MAG: variants seen among roughly 807,000 people sequenced by gnomAD.
MAG encodes the protein myelin associated glycoprotein, also known as myelin-associated glycoprotein.
Under a neutral mutation model 60.7 loss-of-function variants are expected in MAG, and 30 were observed. The observed-to-expected ratio is 0.49, with a 90% CI of 0.37 to 0.67. The LOEUF is 0.67. Among genes scored for constraint, MAG ranks in the 30% least tolerant of loss-of-function variants. The probability of loss-of-function intolerance (pLI) is 0.00; values close to 1 mark genes in which losing one functional copy is unlikely to be tolerated. For synonymous variants in MAG, 384 were observed against 376.8 expected (o/e 1.02, Z -0.22); for missense variants, 795 against 851.7 (o/e 0.93, Z 0.83).
chr19:35,300,193 G>A lies in MAG; in HGVS notation c.759G>A (p.Glu253=). 1.3e-6 allele frequency: 2 copies of A among 1,567,984 alleles called. No individual in the cohort carries two copies. Among genetic ancestry groups the A allele is most frequent in the Non-Finnish European group, 1.7e-6 (2 of 1,152,572 alleles). ...VEMNSSVEAI[E]GSHVSLLCGA... ...TGAACTCCTCGGTGGAGGCCATCGA[G>A]GGCTCCCACGTGAGCCTGCTCTGTG... The change falls in exon 6 of 11, where the codon GAG becomes GAA. Residue 253 remains glutamate, a synonymous_variant. Transcript: ENST00000392213.
Position 35,299,567 on chromosome 19 carries a change from C to T in MAG, c.429C>T (p.Ile143=). 1 of 1,591,794 alleles carries T rather than the reference C, an allele frequency of 6.3e-7. No individual in the cohort carries two copies. Among genetic ancestry groups the T allele is most frequent in the Non-Finnish European group, 8.6e-7 (1 of 1,163,906 alleles). ...CGCCTCGTATAGACACCCCCAACATCGTGGTGCCCCCAGAGGTGGTGGCAG... is the reference window on the plus strand; with the variant it reads ...CGCCTCGTATAGACACCCCCAACATTGTGGTGCCCCCAGAGGTGGTGGCAG... The part of the protein sequence containing the change: ...SVLDIVNTPN[I]VVPPEVVAGT... Residue 143 remains isoleucine (I), a synonymous_variant, in exon 5 of 11, where the codon ATC becomes ATT. Transcript: ENST00000392213.
At chr19:35,301,403 A>G (rs2066447143) in intron 6 of MAG, among the ~76,000 whole-genome samples, 1 of 151,090 alleles carries the variant, frequency 6.6e-6, no homozygotes, top group Non-Finnish European at 1.5e-5. Flanking sequence ...AGCCGCAGCC[A>G]ACATTTACTC....
intron 2 of MAG, among the ~76,000 whole-genome samples, chr19:35,294,939 C>T (rs151302218): frequency 1.5e-4 from 23 of 152,136 alleles, no homozygotes; most frequent in African/African-American, 5.3e-4. Flanking sequence ...GCTGAGACCC[C>T]ATCTCAAAAA....
In MAG at chr19:35,312,290, G is replaced by A. The variant is rs748608374; in HGVS notation, c.1716+273G>A. On this transcript the variant is annotated intron_variant, in intron 10 of 10. Transcript: ENST00000392213. ...TTTCCTTCTCCAATAGTCCAAAGAG[G>A]TTTCTACCCTGGAATCTCACTGAGT... 5 of 1,613,522 alleles carry A rather than the reference G, an allele frequency of 3.1e-6. No homozygotes were observed. The South Asian group carries it at 5.5e-5, about 18-fold the overall frequency.
rs2301600 is a variant in MAG at position 35,295,965 on chromosome 19, C to T, written c.399C>T (p.Ser133=). The T allele has an allele frequency of 0.24, 379,797 of 1,590,544 alleles. 48,238 individuals carry two copies. Among genetic ancestry groups the T allele is most frequent in the East Asian group, 0.42 (18,783 of 44,586 alleles). The part of the protein sequence containing the change: ...GYNQYTFSEH[S]VLDIVNTPNI... ...ACCAGTACACCTTCTCAGAGCACAG[C>T]GTCCTGGATATCGTCAGTGAGTCCC... The change falls in exon 4 of 11, where the codon AGC becomes AGT. Residue 133 remains serine, a synonymous_variant. Transcript: ENST00000392213. The surrounding 1 kb of genome is among the most constrained non-coding windows in gnomAD (Gnocchi z 5.8).
intron 5 of MAG, 141 bp downstream of exon 5, chr19:35,299,991 G>A (rs1345673030): frequency 9.5e-6 from 11 of 1,155,842 alleles, no homozygotes; most frequent in Non-Finnish European, 9.1e-6. Flanking sequence ...GGGATTGGGG[G>A]GTTGGGTGGG....
chr19:35,292,319 C>G (rs1009421915), intron 1 of MAG, 115 bp downstream of exon 1: 10 of 451,724 alleles, frequency 2.2e-5, no homozygotes, highest in African/African-American at 1.6e-4. Flanking sequence ...TGCACCGCTA[C>G]TGATTTAGGA....
chr19:35,298,180 A>G (rs2066417102), intron 4 of MAG, among the ~76,000 whole-genome samples: 1 of 151,144 alleles, frequency 6.6e-6, no homozygotes, highest in South Asian at 2.1e-4. Flanking sequence ...CAAACCACGC[A>G]CACACTACAC....
At chr19:35,311,830 C>A in intron 9 of MAG, 88 bp from the exon 10 acceptor site, 1 of 854,574 alleles carries the variant, frequency 1.2e-6, no homozygotes, top group Non-Finnish European at 1.9e-6. Flanking sequence ...GGTGGGAGAA[C>A]TCTGAGGTCC....
chr19:35,296,662 C>T (rs545803010), intron 4 of MAG, among the ~76,000 whole-genome samples: 6 of 151,960 alleles, frequency 3.9e-5, no homozygotes, highest in South Asian at 2.1e-4. Flanking sequence ...TTCTGAGTGG[C>T]GCTGCTGCTT....
intron 2 of MAG, 149 bp downstream of exon 2, chr19:35,294,439 G>A (rs559895972): frequency 2.8e-6 from 1 of 363,422 alleles, no homozygotes; most frequent in African/African-American, 2.2e-5. Context: ...CATAGAGACA[G>A]GACATGCAGC....
Position 35,311,976 on chromosome 19 carries a change from A to T in MAG, c.1675A>T (p.Ser559Cys). 6.2e-7 allele frequency: 1 copy of T among 1,613,462 alleles called. No individual in the cohort carries two copies. Among genetic ancestry groups the T allele is most frequent in the African/African-American group, 1.3e-5 (1 of 75,022 alleles). The change falls in exon 10 of 11, where the codon AGC becomes TGC. Residue 559 changes from serine to cysteine, a missense_variant. Ser to Cys is a moderately radical substitution (Grantham distance 112, BLOSUM62 -1). Coordinates refer to ENST00000392213, the MANE Select transcript of MAG (RefSeq NM_002361.4). ...AGGGGACAACCCTCCCGTCCTGTTCAGCAGCGACTTCCGCATCTCTGGGGC... is the reference window on the plus strand; with the variant it reads ...AGGGGACAACCCTCCCGTCCTGTTCTGCAGCGACTTCCGCATCTCTGGGGC... ...SAGDNPPVLF[S>C]SDFRISGAPE...
At chr19:35,304,249 C>T (rs2066468636) in intron 7 of MAG, among the ~76,000 whole-genome samples, 1 of 152,158 alleles carries the variant, frequency 6.6e-6, no homozygotes, top group East Asian at 1.9e-4. Context: ...CTGCGTGGTC[C>T]CCTGCTCCCT....
Position 35,295,383 on chromosome 19 carries a change from C to T in MAG, c.-23-3C>T, listed in dbSNP as rs766009143. ...CCTTTAACCCTCTCCTCTCCCTTTC[C>T]AGCGATCACTCACTCGCTGTACAGA... On this transcript the variant is annotated splice_polypyrimidine_tract_variant and splice_region_variant and intron_variant, in intron 2 of 10. Coordinates refer to ENST00000392213, the MANE Select transcript of MAG (RefSeq NM_002361.4). This position sits in a 1 kb window ranked among gnomAD's most constrained non-coding sequence, Gnocchi z 5.8. 3 of 1,613,410 alleles carry T rather than the reference C, an allele frequency of 1.9e-6. No individual in the cohort carries two copies. The highest frequency in any genetic ancestry group is 2.2e-5 in the South Asian group (2 of 91,052).
chr19:35,313,504 G>T lies in MAG; in HGVS notation c.*50G>T, dbSNP rs1346648712. On this transcript the variant is annotated 3_prime_UTR_variant, in exon 11 of 11. Transcript: ENST00000392213. Reference sequence around the variant, plus strand: ...CTGACCCCCCTCAGGACCCTCGCTGGCCCCCACTGGCTGTGGGCTCCCTTC... The same window carrying T: ...CTGACCCCCCTCAGGACCCTCGCTGTCCCCCACTGGCTGTGGGCTCCCTTC... 1 of 1,525,576 alleles carries T rather than the reference G, an allele frequency of 6.6e-7. No individual in the cohort carries two copies. The highest frequency in any genetic ancestry group is 8.8e-7 in the Non-Finnish European group (1 of 1,135,488). 94.5% of individuals were successfully genotyped at this position (1,525,576 alleles called of 1,614,324 possible).
In MAG at chr19:35,295,512, T is replaced by G. The variant is rs1403083824; in HGVS notation, c.46+58T>G. ...CTTTGGCCCCTGAGCAGGTTGGAGG[T>G]GGGTCCCCGCAGCCCCCCGGCATGT... On this transcript the variant is annotated intron_variant, in intron 3 of 10. Coordinates refer to ENST00000392213, the MANE Select transcript of MAG (RefSeq NM_002361.4). This position sits in a 1 kb window ranked among gnomAD's most constrained non-coding sequence, Gnocchi z 5.8. The G allele has an allele frequency of 6.2e-7, 1 of 1,610,874 alleles. No individual in the cohort carries two copies. The highest frequency in any genetic ancestry group is 1.3e-5 in the African/African-American group (1 of 74,768).
intron 10 of MAG, 99 bp downstream of exon 10, chr19:35,312,116 G>T (rs572436980): frequency 2.3e-6 from 3 of 1,309,558 alleles, no homozygotes; most frequent in South Asian, 1.2e-5. Context: ...GAGTGGGAGC[G>T]GCCTCTCACA....
intron 9 of MAG, among the ~76,000 whole-genome samples, chr19:35,311,575 A>T (rs1173858930): frequency 6.6e-6 from 1 of 152,202 alleles, no homozygotes; most frequent in Non-Finnish European, 1.5e-5. Context: ...GCACACACAC[A>T]TCAGCTGTCC....
rs774452930 is a variant in MAG, at chr19:35,313,341, C to A, written c.1768C>A (p.Pro590Thr). The change falls in exon 11 of 11, where the codon CCC (proline) becomes ACC (threonine). Residue 590 changes from proline (P) to threonine (T), a missense_variant. Coordinates refer to ENST00000392213, the MANE Select transcript of MAG (RefSeq NM_002361.4). ...ERRLLGLRGE[P>T]PELDLSYSHS... ...GAGGCTGCTGGGCCTTCGGGGTGAGCCCCCAGAGCTGGACCTGAGCTATTC... is the reference window on the plus strand; with the variant it reads ...GAGGCTGCTGGGCCTTCGGGGTGAGACCCCAGAGCTGGACCTGAGCTATTC... The A allele has an allele frequency of 6.8e-6, 11 of 1,613,970 alleles. No homozygotes were observed. The East Asian group carries it at 2.2e-4, about 33-fold the overall frequency.
Sources: allele counts gnomAD v4.1 joint callset (sites outside exome capture counted in the v4.1 genomes callset), GRCh38; gene constraint gnomAD v4.1.1; non-coding constraint Gnocchi (gnomAD v3.1); transcripts MANE v1.5; gene names NCBI Gene and HGNC (gene_info 2026-07-23, HGNC 2026-07-21).